PRKG1: variants seen among roughly 807,000 people sequenced by gnomAD.
PRKG1 encodes the protein protein kinase cGMP-dependent 1, also known as cGMP-dependent protein kinase 1.
Under a neutral mutation model 88.1 loss-of-function variants are expected in PRKG1, and 35 were observed. The ratio of observed to expected loss-of-function variants is 0.40; its 90% confidence interval spans 0.30 to 0.53. The LOEUF is 0.53. Ranked by LOEUF, PRKG1 falls within the 20% of genes least tolerant of loss-of-function variation. The pLI, the probability that PRKG1 is intolerant of heterozygous loss-of-function variation, is 0.59. For synonymous variants in PRKG1, 303 were observed against 292.5 expected, an observed-to-expected ratio of 1.04 and a Z score of -0.37; for missense variants, 540 against 839.8, an observed-to-expected ratio of 0.64 and a Z score of 4.41.
chr10:51,491,119 A>G (rs10508945), intron 3 of PRKG1, among the ~76,000 whole-genome samples: 27,768 of 151,890 alleles, frequency 0.18, 2,711 homozygotes, highest in Non-Finnish European at 0.22. Flanking sequence ...TTTGATATGT[A>G]TAATAGGGTC....
intron 2 of PRKG1, among the ~76,000 whole-genome samples, chr10:51,442,084 C>T (rs1839128756): frequency 1.3e-5 from 2 of 151,090 alleles, no homozygotes; most frequent in South Asian, 4.2e-4. Flanking sequence ...AAAAAAAAAA[C>T]CCTGCATATT....
chr10:51,941,081 G>C (rs1157237656), intron 5 of PRKG1, among the ~76,000 whole-genome samples: 1 of 151,872 alleles, frequency 6.6e-6, no homozygotes, highest in African/African-American at 2.4e-5. Flanking sequence ...TCCATTGTAA[G>C]ATACATCCTA....
Position 50,997,427 on chromosome 10 carries a change from A to G in PRKG1, c.266+5783A>G, listed in dbSNP as rs78485136. Among the ~76,000 whole-genome samples the G allele has an allele frequency of 6.5e-3, 988 of 152,274 alleles. 13 individuals are homozygous for G. Among genetic ancestry groups the G allele is most frequent in the Admixed American group, 0.02 (308 of 15,302 alleles). The stretch of plus-strand genomic sequence containing the variant: ...TTTGACCCTCATGAAACTATTTCTA[A>G]CAGACCTGAAAAAACAAAAGATGTC... On this transcript the variant is annotated intron_variant, in intron 1 of 17. Coordinates refer to the PRKG1 transcript ENST00000401604.
rs574277592 is a variant in PRKG1 at position 51,437,926 on chromosome 10, A to T, written c.479-29797A>T. On this transcript the variant is annotated intron_variant, in intron 2 of 17. Coordinates refer to ENST00000373980, the MANE Select transcript of PRKG1 (RefSeq NM_006258.4). Reference sequence around the variant, plus strand: ...ACAGTCCCTACAATGGAATTGTCTAACCCAAAATGTTAACTGTTCAAAGGC... The same window carrying T: ...ACAGTCCCTACAATGGAATTGTCTATCCCAAAATGTTAACTGTTCAAAGGC... 3.3e-5 allele frequency among the ~76,000 whole-genome samples: 5 copies of T among 151,354 alleles called. No individual in the cohort carries two copies. The South Asian group carries it at 1.0e-3, about 32-fold the overall frequency.
chr10:51,993,320 C>G (rs1315376387), intron 5 of PRKG1, among the ~76,000 whole-genome samples: 1 of 151,606 alleles, frequency 6.6e-6, no homozygotes, highest in Non-Finnish European at 1.5e-5. Flanking sequence ...GATAAAACTT[C>G]TCATTAAAAA....
intron 5 of PRKG1, among the ~76,000 whole-genome samples, chr10:52,005,403 A>G (rs960074925): frequency 2.0e-5 from 3 of 152,066 alleles, no homozygotes; most frequent in African/African-American, 4.8e-5. Context: ...GCCAGTGCCC[A>G]TGTTTTTAAA....
chr10:52,240,298 T>G (rs1433628160), intron 9 of PRKG1, among the ~76,000 whole-genome samples: 1 of 152,142 alleles, frequency 6.6e-6, no homozygotes, highest in Non-Finnish European at 1.5e-5. Flanking sequence ...CTAATTCTAG[T>G]CTAATCATGA....
chr10:51,465,568 A>C (rs898986338), intron 2 of PRKG1, among the ~76,000 whole-genome samples: 5 of 152,206 alleles, frequency 3.3e-5, no homozygotes, highest in African/African-American at 1.2e-4. Flanking sequence ...AATGTTGGCC[A>C]GACATAGACA....
chr10:51,227,398 GGT>G (rs1413382916), intron 2 of PRKG1, among the ~76,000 whole-genome samples: 1 of 152,030 alleles, frequency 6.6e-6, no homozygotes, highest in Non-Finnish European at 1.5e-5. Context: ...ATAATAGCAT[GGT>G]GCACACCACA....
At chr10:51,502,573 CT>C (rs1417060833) in intron 3 of PRKG1, among the ~76,000 whole-genome samples, 1 of 152,090 alleles carries the variant, frequency 6.6e-6, no homozygotes, top group African/African-American at 2.4e-5. Flanking sequence ...TCAATTTAAG[CT>C]TCACTAATTT....
intron 4 of PRKG1, among the ~76,000 whole-genome samples, chr10:51,874,792 G>A (rs1412328581): frequency 6.6e-6 from 1 of 152,082 alleles, no homozygotes; most frequent in Admixed American, 6.6e-5. Flanking sequence ...AGCTGTTTGG[G>A]AATAATTATG....
At chr10:51,407,710 C>T (rs1372437458) in intron 2 of PRKG1, among the ~76,000 whole-genome samples, 1 of 152,206 alleles carries the variant, frequency 6.6e-6, no homozygotes, top group Non-Finnish European at 1.5e-5. Flanking sequence ...GGGTCATTTG[C>T]AGTCCTGCCT....
chr10:51,765,425 T>A (rs191916032), intron 3 of PRKG1, among the ~76,000 whole-genome samples: 75 of 152,312 alleles, frequency 4.9e-4, no homozygotes, highest in African/African-American at 1.7e-3. Context: ...CTCCTTTTCA[T>A]TTTTCTAATA....
chr10:51,004,443 G>A (rs2132718024), intron 1 of PRKG1, among the ~76,000 whole-genome samples: 1 of 152,214 alleles, frequency 6.6e-6, no homozygotes, highest in South Asian at 2.1e-4. Context: ...TGGGCAACAA[G>A]AGAGAAACTC....
At chr10:52,207,159 G>A (rs764971608) in intron 9 of PRKG1, among the ~76,000 whole-genome samples, 1 of 152,180 alleles carries the variant, frequency 6.6e-6, no homozygotes, top group Non-Finnish European at 1.5e-5. Context: ...AGCAGGGGAG[G>A]GGAGGCGAGG....
intron 3 of PRKG1, among the ~76,000 whole-genome samples, chr10:51,549,520 T>C (rs572945891): frequency 5.3e-5 from 8 of 152,216 alleles, no homozygotes; most frequent in African/African-American, 7.2e-5. Context: ...TTAATCTCTA[T>C]TACCTGATTT....
chr10:51,286,775 A>C (rs1024783562), intron 2 of PRKG1, among the ~76,000 whole-genome samples: 36 of 152,242 alleles, frequency 2.4e-4, no homozygotes, highest in African/African-American at 8.4e-4. Context: ...GGTATAGAAC[A>C]CTAGAACTTA....
At chr10:52,096,121 A>G (rs1286618944) in intron 7 of PRKG1, among the ~76,000 whole-genome samples, 3 of 152,062 alleles carry the variant, frequency 2.0e-5, no homozygotes, top group Non-Finnish European at 4.4e-5. Context: ...TTAGTGCCTT[A>G]CTTCTTGGCT....
At chr10:51,731,153 CAACAAACA>C (rs545948349) in intron 3 of PRKG1, among the ~76,000 whole-genome samples, 3 of 151,924 alleles carry the variant, frequency 2.0e-5, no homozygotes, top group East Asian at 3.9e-4. Flanking sequence ...CAAAGAAAAA[CAACAAACA>C]AACAAACAAA....
Sources: gnomAD v4.1 joint callset for allele counts (sites outside exome capture counted in the v4.1 genomes callset) on GRCh38, gnomAD v4.1.1 for gene constraint, MANE v1.5 for transcripts, NCBI Gene and HGNC (gene_info 2026-07-23, HGNC 2026-07-21) for gene names.